SNX14: variants seen among roughly 807,000 people sequenced by gnomAD.
The protein encoded by SNX14 is sorting nexin 14.
Under a neutral mutation model 133.8 loss-of-function variants are expected in SNX14, and 93 were observed. That is an observed-to-expected ratio of 0.70 (90% CI 0.59 to 0.83). SNX14 has a LOEUF of 0.83. Ranked by LOEUF, SNX14 falls within the 40% of genes least tolerant of loss-of-function variation. The probability of loss-of-function intolerance (pLI) is 0.00; values close to 1 mark genes in which losing one functional copy is unlikely to be tolerated. For synonymous variants in SNX14, 368 were observed against 365.6 expected (o/e 1.01, Z -0.07); for missense variants, 945 against 1,094.9 (o/e 0.86, Z 1.93).
chr6:85,529,052 GAA>G (rs764123650), intron 19 of SNX14, among the ~76,000 whole-genome samples: 2 of 104,194 alleles, frequency 1.9e-5, no homozygotes, highest in Non-Finnish European at 4.1e-5. Context: ...ACTCACCTCA[GAA>G]AAAAAAAAAA....
chr6:85,512,853 T>A (rs1773446511), intron 26 of SNX14, among the ~76,000 whole-genome samples: 1 of 152,182 alleles, frequency 6.6e-6, no homozygotes, highest in Admixed American at 6.5e-5. Flanking sequence ...GACCTCACTC[T>A]CTGGTGAATC....
In SNX14 at chr6:85,514,053, C is replaced by T; in HGVS notation, c.2557+17G>A. On this transcript the variant is annotated intron_variant, in intron 25 of 28. Coordinates refer to ENST00000314673, the MANE Select transcript of SNX14 (RefSeq NM_153816.6). ...GAGTACACAAAATATGAAACAAACA[C>T]ATTAGAAAATACAAACCTCTGAGAA... 1 of 1,593,920 alleles carries T rather than the reference C, an allele frequency of 6.3e-7. No homozygotes were observed.
chr6:85,534,671 G>A (rs1320906831), intron 17 of SNX14, among the ~76,000 whole-genome samples: 4 of 151,996 alleles, frequency 2.6e-5, no homozygotes, highest in African/African-American at 9.7e-5. Context: ...TGTGTATCAA[G>A]CAATTGGGAA....
chr6:85,508,006 G>A lies in SNX14; in HGVS notation c.2707C>T (p.Leu903=), dbSNP rs1293591062. The A allele has an allele frequency of 1.2e-6, 2 of 1,613,460 alleles. No homozygotes were observed. Among genetic ancestry groups the A allele is most frequent in the South Asian group, 2.2e-5 (2 of 91,020 alleles). Residue 903 remains leucine, a synonymous_variant, in exon 27 of 29, where the codon CTG becomes TTG. Coordinates refer to ENST00000314673, the MANE Select transcript of SNX14 (RefSeq NM_153816.6). ...ACTGGTTGCTGTAAGCCATCAAACAGAAGTCTGATGCTTTCATACTTGGTT... is the reference window on the plus strand; with the variant it reads ...ACTGGTTGCTGTAAGCCATCAAACAAAAGTCTGATGCTTTCATACTTGGTT... The part of the protein sequence containing the change: ...EETKYESIRL[L]FDGLQQPVLN...
At chr6:85,524,131 A>G (rs1473597978) in intron 21 of SNX14, among the ~76,000 whole-genome samples, 1 of 151,220 alleles carries the variant, frequency 6.6e-6, no homozygotes, top group Non-Finnish European at 1.5e-5. Flanking sequence ...GCAGTGAGCC[A>G]AGATGGCACC....
chr6:85,507,543 A>G (rs1215116445), intron 27 of SNX14, among the ~76,000 whole-genome samples: 1 of 152,176 alleles, frequency 6.6e-6, no homozygotes, highest in Non-Finnish European at 1.5e-5. Context: ...TTTATGTTAA[A>G]TATTTGAATT....
At chr6:85,593,558 G>C (rs1254584361) in intron 1 of SNX14, 21 bp downstream of exon 1, 1 of 1,598,566 alleles carries the variant, frequency 6.3e-7, no homozygotes, top group Non-Finnish European at 8.5e-7. Context: ...CCGCCGCCCA[G>C]GCTCCGCGCT....
intron 4 of SNX14, chr6:85,567,825 A>T (rs1396999562): frequency 3.7e-6 from 1 of 270,986 alleles, no homozygotes; most frequent in Non-Finnish European, 7.0e-6. Context: ...TCTACAAAAA[A>T]CAGAACAATA....
At chr6:85,524,822 G>T (rs1231058234) in intron 21 of SNX14, among the ~76,000 whole-genome samples, 1 of 151,194 alleles carries the variant, frequency 6.6e-6, no homozygotes, top group African/African-American at 2.4e-5. Flanking sequence ...CTGATAACCA[G>T]CAGGTGGAAC....
At chr6:85,574,521 A>C (rs1011082139) in intron 1 of SNX14, 143 bp from the exon 2 acceptor site, 1 of 545,496 alleles carries the variant, frequency 1.8e-6, no homozygotes, top group African/African-American at 1.9e-5. Context: ...ATTTTTTGTA[A>C]TGTATTAAAT....
chr6:85,571,245 A>G (rs969596906), intron 4 of SNX14, among the ~76,000 whole-genome samples: 8 of 151,786 alleles, frequency 5.3e-5, no homozygotes, highest in Non-Finnish European at 1.2e-4. Flanking sequence ...CTGCAGTCCC[A>G]GCTACTCGGG....
At chr6:85,572,441 C>A in intron 2 of SNX14, 67 bp from the exon 3 acceptor site, 1 of 1,263,320 alleles carries the variant, frequency 7.9e-7, no homozygotes, top group South Asian at 1.3e-5. Context: ...TTAAAAGAAT[C>A]AACTTTTCAG....
At position 85,565,316 on chromosome 6, in the gene SNX14, CA is replaced by C. The variant is rs1793428282; in HGVS notation, c.549+15del. On this transcript the variant is annotated intron_variant, in intron 6 of 28. Coordinates refer to ENST00000314673, the MANE Select transcript of SNX14 (RefSeq NM_153816.6). The stretch of plus-strand genomic sequence containing the variant: ...TAAAGCCCCAAATTCCCAAATTTCT[CA>C]TTAAAAATATATACCTTGTGAATCC... 6.6e-7 allele frequency: 1 copy of C among 1,510,760 alleles called. No homozygotes were observed. Among genetic ancestry groups the C allele is most frequent in the Admixed American group, 2.2e-5 (1 of 45,800 alleles). The allele number at this position is 1,510,760 out of a possible 1,614,324, so 93.6% of individuals were successfully genotyped here.
At chr6:85,541,338 C>T (rs377358395) in intron 15 of SNX14, among the ~76,000 whole-genome samples, 3 of 152,006 alleles carry the variant, frequency 2.0e-5, no homozygotes, top group Admixed American at 6.5e-5. Flanking sequence ...TGTTGATTTG[C>T]TATTAAGTGA....
chr6:85,557,941 A>C, intron 7 of SNX14, 35 bp downstream of exon 7: 1 of 1,305,212 alleles, frequency 7.7e-7, no homozygotes, highest in Non-Finnish European at 1.1e-6. Flanking sequence ...GTATAAAAAC[A>C]AAATTACTCA....
In SNX14 at chr6:85,576,230, T is replaced by G. The variant is rs180833825; in HGVS notation, c.141-1852A>C. On this transcript the variant is annotated intron_variant, in intron 1 of 28. Coordinates refer to ENST00000314673, the MANE Select transcript of SNX14 (RefSeq NM_153816.6). ...CTTACAAGAAAATGCACTGTAGGGA[T>G]CTAATAATTTGTAGACTCAGTAGAG... is the stretch of plus-strand genomic sequence containing the variant. 4.0e-3 allele frequency among the ~76,000 whole-genome samples: 615 copies of G among 152,186 alleles called. 5 individuals carry two copies. The highest frequency in any genetic ancestry group is 0.014 in the African/African-American group (588 of 41,520).
chr6:85,571,777 TG>T (rs1243131285), intron 4 of SNX14, among the ~76,000 whole-genome samples: 1 of 152,192 alleles, frequency 6.6e-6, no homozygotes, highest in East Asian at 1.9e-4. Context: ...GTGTCAAAAC[TG>T]GGGTCATAAT....
intron 4 of SNX14, chr6:85,568,454 A>G (rs1490112140): frequency 6.6e-6 from 1 of 152,258 alleles, no homozygotes; most frequent in Non-Finnish European, 1.5e-5. Context: ...CTGGTTACAC[A>G]CATATGTTCG....
chr6:85,550,650 T>C (rs1490905123), intron 7 of SNX14, among the ~76,000 whole-genome samples: 1 of 152,032 alleles, frequency 6.6e-6, no homozygotes, highest in Non-Finnish European at 1.5e-5. Context: ...AGGCGGGTAC[T>C]CCTGTGCCCG....
Sources: gnomAD v4.1 joint callset for allele counts (sites outside exome capture counted in the v4.1 genomes callset) on GRCh38, gnomAD v4.1.1 for gene constraint, MANE v1.5 for transcripts, NCBI Gene and HGNC (gene_info 2026-07-23, HGNC 2026-07-21) for gene names.